The following NEK10 variants were observed in gnomAD, a reference collection of about 807,000 sequenced individuals.
NEK10 encodes serine/threonine-protein kinase Nek10.
Under a neutral mutation model 159.8 loss-of-function variants are expected in NEK10, and 122 were observed. The observed-to-expected ratio is 0.76, with a 90% CI of 0.66 to 0.89. The LOEUF is 0.89. Among genes scored for constraint, NEK10 ranks in the 40% least tolerant of loss-of-function variants. The probability of loss-of-function intolerance (pLI) is 0.00; values close to 1 mark genes in which losing one functional copy is unlikely to be tolerated. For missense variants in NEK10, 1,342 were observed against 1,323.1 expected (o/e 1.01, Z -0.22); for synonymous variants, 466 against 457.1 (o/e 1.02, Z -0.25).
chr3:27,290,868 A>T (rs1054215113), intron 18 of NEK10, 114 bp from the exon 19 acceptor site: 8 of 768,616 alleles, frequency 1.0e-5, no homozygotes, highest in Non-Finnish European at 1.6e-5. Context: ...AAGTCATATA[A>T]ATAAGTCACA....
chr3:27,293,075 C>G (rs1451092738), intron 16 of NEK10, among the ~76,000 whole-genome samples: 1 of 152,140 alleles, frequency 6.6e-6, no homozygotes, highest in African/African-American at 2.4e-5. Context: ...AAATGGTGAC[C>G]TTTTGGTCAG....
intron 23 of NEK10, among the ~76,000 whole-genome samples, chr3:27,241,410 C>T (rs1337790659): frequency 4.6e-5 from 7 of 152,146 alleles, no homozygotes; most frequent in African/African-American, 1.7e-4. Flanking sequence ...TTTCTTTAAT[C>T]TCATGACTTT....
At chr3:27,287,468 T>G (rs1391187797) in intron 20 of NEK10, among the ~76,000 whole-genome samples, 3 of 152,236 alleles carry the variant, frequency 2.0e-5, no homozygotes, top group Non-Finnish European at 4.4e-5. Flanking sequence ...TTTGGTTTGT[T>G]CATGCGTTTT....
intron 33 of NEK10, among the ~76,000 whole-genome samples, chr3:27,118,002 T>G (rs1940734333): frequency 6.6e-6 from 1 of 152,186 alleles, no homozygotes; most frequent in Non-Finnish European, 1.5e-5. Flanking sequence ...GTATAAGGTG[T>G]AAGGAAGGGG....
rs1048173519 is a variant in NEK10 at position 27,142,040 on chromosome 3, C to CA, written c.2870-459dup. On this transcript the variant is annotated intron_variant, in intron 30 of 35. Transcript: ENST00000691995. ...GTAATCACTGAACATTCTTACAGAG[C>CA]AAAAAAAAATGAAAATTCTTTTAGC... is the stretch of plus-strand genomic sequence containing the variant. Among the ~76,000 whole-genome samples, 774 of 148,704 alleles carry CA rather than the reference C, an allele frequency of 5.2e-3. 4 individuals are homozygous for CA. Among genetic ancestry groups the CA allele is most frequent in the African/African-American group, 0.017 (670 of 40,602 alleles).
chr3:27,201,423 GA>G, intron 25 of NEK10, 86 bp downstream of exon 25: 1 of 1,136,918 alleles, frequency 8.8e-7, no homozygotes, highest in Non-Finnish European at 1.3e-6. Context: ...TTCTCTTCAT[GA>G]CCTTTTATCC....
intron 26 of NEK10, among the ~76,000 whole-genome samples, chr3:27,181,101 G>A (rs1948055843): frequency 6.6e-6 from 1 of 152,062 alleles, no homozygotes; most frequent in Non-Finnish European, 1.5e-5. Flanking sequence ...ATTTGCAGAG[G>A]TTATCCCTTT....
chr3:27,349,807 T>A (rs1438244763), intron 3 of NEK10, among the ~76,000 whole-genome samples: 1 of 152,162 alleles, frequency 6.6e-6, no homozygotes, highest in Non-Finnish European at 1.5e-5. Flanking sequence ...TCTTGAGTTA[T>A]TGGGTTTTCC....
At chr3:27,367,709 T>C (rs540234929) in intron 1 of NEK10, 1 of 152,356 alleles carries the variant, frequency 6.6e-6, no homozygotes, top group Admixed American at 6.5e-5. Flanking sequence ...GAGACAAAGA[T>C]GGTCTCTGCC....
intron 30 of NEK10, among the ~76,000 whole-genome samples, chr3:27,144,070 G>GTCCTCCCT (rs1430320556): frequency 6.6e-6 from 1 of 152,084 alleles, no homozygotes; most frequent in Non-Finnish European, 1.5e-5. Flanking sequence ...CAGTCTGTCC[G>GTCCTCCCT]TCCTCCCTTC....
chr3:27,160,611 C>T (rs1323631848), intron 30 of NEK10, among the ~76,000 whole-genome samples: 1 of 152,110 alleles, frequency 6.6e-6, no homozygotes, highest in East Asian at 1.9e-4. Flanking sequence ...CTAGCACTCA[C>T]TGATAACAAA....
rs189076509 is a variant in NEK10 at position 27,283,243 on chromosome 3, T to C, written c.2014+1359A>G. On this transcript the variant is annotated intron_variant, in intron 22 of 35. Coordinates refer to ENST00000691995, the MANE Select transcript of NEK10 (RefSeq NM_001394966.1). ...CAGCTTTAGATGCTGTCATATGTTG[T>C]CATATGACATCAATGATGTCTCCAC... is the stretch of plus-strand genomic sequence containing the variant. Among the ~76,000 whole-genome samples, 1,185 of 152,260 alleles carry C rather than the reference T, an allele frequency of 7.8e-3. 13 individuals carry two copies. Among genetic ancestry groups the C allele is most frequent in the African/African-American group, 0.027 (1,123 of 41,552 alleles).
chr3:27,311,134 C>G (rs2044664694), intron 8 of NEK10, 118 bp from the exon 9 acceptor site: 3 of 586,406 alleles, frequency 5.1e-6, no homozygotes, highest in Non-Finnish European at 9.1e-6. Flanking sequence ...GAACACAGCA[C>G]AAAAGGAACA....
intron 16 of NEK10, among the ~76,000 whole-genome samples, chr3:27,291,932 G>A (rs1481233661): frequency 6.6e-6 from 1 of 152,016 alleles, no homozygotes; most frequent in East Asian, 1.9e-4. Flanking sequence ...GTGAGCCACC[G>A]CACCCGGCCC....
chr3:27,278,995 T>C, intron 22 of NEK10: 1 of 832,152 alleles, frequency 1.2e-6, no homozygotes, highest in Non-Finnish European at 1.4e-6. Flanking sequence ...TCATGGCACA[T>C]GCCATCAAAA....
intron 26 of NEK10, among the ~76,000 whole-genome samples, chr3:27,184,178 G>T (rs567833774): frequency 6.6e-6 from 1 of 152,160 alleles, no homozygotes. Context: ...TGGAGAAAAC[G>T]TAAGTGTTCA....
intron 16 of NEK10, among the ~76,000 whole-genome samples, chr3:27,292,004 T>C (rs546017746): frequency 3.7e-4 from 57 of 152,264 alleles, no homozygotes; most frequent in African/African-American, 1.3e-3. Flanking sequence ...ATTTAACTTC[T>C]TTTGGTTATC....
chr3:27,261,818 T>G (rs36165520), intron 22 of NEK10, among the ~76,000 whole-genome samples: 23,991 of 152,158 alleles, frequency 0.16, 2,094 homozygotes, highest in Non-Finnish European at 0.2. Flanking sequence ...ATGTTGACAG[T>G]GGGGTGTTAA....
At chr3:27,140,314 A>C (rs1943659258) in intron 31 of NEK10, among the ~76,000 whole-genome samples, 1 of 152,182 alleles carries the variant, frequency 6.6e-6, no homozygotes, top group Admixed American at 6.5e-5. Flanking sequence ...GATTAAGTGG[A>C]AAGCTGGGAC....
Sources: allele counts gnomAD v4.1 joint callset (sites outside exome capture counted in the v4.1 genomes callset), GRCh38; gene constraint gnomAD v4.1.1; transcripts MANE v1.5; gene names NCBI Gene and HGNC (gene_info 2026-07-23, HGNC 2026-07-21).